The following CNTN5 variants were observed in gnomAD, a reference collection of about 807,000 sequenced individuals.
The protein encoded by CNTN5 is contactin 5.
CNTN5 carries 77 observed loss-of-function variants against 129.1 expected under a neutral mutation model. The ratio of observed to expected loss-of-function variants is 0.60; its 90% CI spans 0.50 to 0.72. The LOEUF is 0.72. Ranked by LOEUF, CNTN5 falls within the 30% of genes least tolerant of loss-of-function variation. CNTN5 has a pLI of 0.00. For synonymous variants in CNTN5, 509 were observed against 465.6 expected, an observed-to-expected ratio of 1.09 and a Z score of -1.20; for missense variants, 1,478 against 1,328.8, an observed-to-expected ratio of 1.11 and a Z score of -1.75.
intron 8 of CNTN5, among the ~76,000 whole-genome samples, chr11:99,990,896 T>C (rs943713249): frequency 5.9e-5 from 9 of 152,334 alleles, no homozygotes; most frequent in African/African-American, 2.2e-4. Context: ...TCTCTCATTA[T>C]GTATGAGACA....
chr11:99,173,737 C>T (rs941170519), intron 1 of CNTN5, among the ~76,000 whole-genome samples: 2 of 152,094 alleles, frequency 1.3e-5, no homozygotes, highest in African/African-American at 2.4e-5. Flanking sequence ...ACTCAACAAT[C>T]GGAATCAGAG....
chr11:100,146,418 C>A (rs1946853064), intron 13 of CNTN5, among the ~76,000 whole-genome samples: 1 of 152,028 alleles, frequency 6.6e-6, no homozygotes, highest in Non-Finnish European at 1.5e-5. Flanking sequence ...AATTTAAATA[C>A]CCTTTGTGTT....
chr11:100,035,528 TC>T (rs1381920234), intron 9 of CNTN5, among the ~76,000 whole-genome samples: 4 of 146,346 alleles, frequency 2.7e-5, no homozygotes, highest in African/African-American at 1.0e-4. Flanking sequence ...TAGTTCTGGA[TC>T]CCTGAGGAAT....
chr11:99,765,767 A>G (rs1944733319), intron 3 of CNTN5, among the ~76,000 whole-genome samples: 2 of 151,708 alleles, frequency 1.3e-5, no homozygotes, highest in African/African-American at 4.8e-5. Context: ...AGTCCTAGAG[A>G]AGCCCTCTAG....
At position 99,587,658 on chromosome 11, in the gene CNTN5, G is replaced by T. The variant is rs1394951631; in HGVS notation, c.55+31389G>T. ...GGGAGTGAGGATATGTTATGAAGAT[G>T]GGGGTCATTTGCAAGTAGTATAAAG... is the stretch of plus-strand genomic sequence containing the variant. On this transcript the variant is annotated intron_variant, in intron 3 of 24. Transcript: ENST00000524871. Among the ~76,000 whole-genome samples, 3 of 152,278 alleles carry T rather than the reference G, an allele frequency of 2.0e-5. No homozygotes were observed. In the East Asian group the frequency reaches 5.8e-4, roughly 29 times the overall value.
At chr11:100,286,664 A>T (rs1488599027) in intron 18 of CNTN5, among the ~76,000 whole-genome samples, 1 of 149,966 alleles carries the variant, frequency 6.7e-6, no homozygotes, top group Non-Finnish European at 1.5e-5. Context: ...GAAAAAACAC[A>T]ACAGAAAAAC....
chr11:99,411,257 G>A (rs764127096), intron 2 of CNTN5, among the ~76,000 whole-genome samples: 1 of 152,318 alleles, frequency 6.6e-6, no homozygotes, highest in Non-Finnish European at 1.5e-5. Context: ...GCCAAGAGCA[G>A]TAGCTCACAC....
intron 1 of CNTN5, among the ~76,000 whole-genome samples, chr11:99,308,328 T>A (rs1262619484): frequency 1.3e-5 from 2 of 152,184 alleles, no homozygotes; most frequent in Non-Finnish European, 2.9e-5. Flanking sequence ...AACATTATAT[T>A]TGTTGTAATA....
At chr11:100,029,014 G>A (rs1053886265) in intron 9 of CNTN5, among the ~76,000 whole-genome samples, 6 of 151,878 alleles carry the variant, frequency 4.0e-5, no homozygotes, top group African/African-American at 7.3e-5. Context: ...ATGCCCGGAG[G>A]CCACAAAATT....
chr11:99,304,324 T>A lies in CNTN5; in HGVS notation c.-209-21022T>A, dbSNP rs532023616. 2.0e-5 allele frequency among the ~76,000 whole-genome samples: 3 copies of A among 152,210 alleles called. No individual in the cohort carries two copies. In the East Asian group the frequency reaches 5.8e-4, roughly 29 times the overall value. On this transcript the variant is annotated intron_variant, in intron 1 of 24. Transcript: ENST00000524871. ...AGAGTTACTTCTCATCTCCTATAGA[T>A]CCTTCCATCAAAAAAATATATATTT...
chr11:99,431,177 T>C (rs1280119683), intron 2 of CNTN5, among the ~76,000 whole-genome samples: 1 of 152,098 alleles, frequency 6.6e-6, no homozygotes, highest in East Asian at 1.9e-4. Context: ...AATACAGTTA[T>C]TTAGAGCTCT....
intron 1 of CNTN5, among the ~76,000 whole-genome samples, chr11:99,281,868 G>A (rs56029270): frequency 0.13 from 19,061 of 151,966 alleles, 1,310 homozygotes; most frequent in Middle Eastern, 0.19. Context: ...AAAGATTGAA[G>A]GATTTTCTTG....
chr11:99,847,003 CTAAA>C (rs776202003), intron 6 of CNTN5, among the ~76,000 whole-genome samples: 5 of 152,130 alleles, frequency 3.3e-5, no homozygotes, highest in East Asian at 1.9e-4. Context: ...GCCTAATAAA[CTAAA>C]TAAATAACCC....
chr11:99,212,902 T>C (rs1859878476), intron 1 of CNTN5, among the ~76,000 whole-genome samples: 1 of 152,036 alleles, frequency 6.6e-6, no homozygotes, highest in Non-Finnish European at 1.5e-5. Flanking sequence ...CATAAAAATA[T>C]ATTTCCTGTC....
intron 3 of CNTN5, among the ~76,000 whole-genome samples, chr11:99,743,231 T>C (rs1043222769): frequency 6.6e-6 from 1 of 152,218 alleles, no homozygotes; most frequent in South Asian, 2.1e-4. Context: ...TGATTATGCA[T>C]ACACAAATAA....
chr11:99,847,117 T>G (rs1184530440), intron 6 of CNTN5, among the ~76,000 whole-genome samples: 1 of 152,238 alleles, frequency 6.6e-6, no homozygotes, highest in African/African-American at 2.4e-5. Context: ...TACAGTTTGG[T>G]CTACAGTATT....
chr11:100,052,407 C>A (rs922637415), intron 9 of CNTN5, among the ~76,000 whole-genome samples: 2 of 151,654 alleles, frequency 1.3e-5, no homozygotes, highest in Non-Finnish European at 3.0e-5. Context: ...AAGGAATAAA[C>A]CTGCCTCTGA....
At chr11:100,114,192 T>C (rs992491443) in intron 13 of CNTN5, among the ~76,000 whole-genome samples, 1 of 152,140 alleles carries the variant, frequency 6.6e-6, no homozygotes, top group South Asian at 2.1e-4. Context: ...GACAGTGTTA[T>C]CTTTGTGAGA....
chr11:99,398,907 C>T (rs1420584492), intron 2 of CNTN5, among the ~76,000 whole-genome samples: 1 of 151,734 alleles, frequency 6.6e-6, no homozygotes, highest in Non-Finnish European at 1.5e-5. Flanking sequence ...GAAAATCACA[C>T]CGTATCTGCT....
Sources: gnomAD v4.1 joint callset for allele counts (sites outside exome capture counted in the v4.1 genomes callset) on GRCh38, gnomAD v4.1.1 for gene constraint, MANE v1.5 for transcripts, NCBI Gene and HGNC (gene_info 2026-07-23, HGNC 2026-07-21) for gene names.